The following GRM7 variants were observed in gnomAD, a reference collection of about 807,000 sequenced individuals.
The protein encoded by GRM7 is metabotropic glutamate receptor 7.
A neutral mutation model predicts 84.5 loss-of-function variants in GRM7; 35 were observed. The observed-to-expected ratio is 0.41, with a 90% CI of 0.32 to 0.55. The LOEUF (loss-of-function observed/expected upper bound fraction) is 0.55, where lower values mean the gene tolerates loss of function less well. Among genes scored for constraint, GRM7 ranks in the 20% least tolerant of loss-of-function variants. The pLI, the probability that GRM7 is intolerant of heterozygous loss-of-function variation, is 0.19. For synonymous variants in GRM7, 487 were observed against 455.1 expected, an observed-to-expected ratio of 1.07 and a Z score of -0.89; for missense variants, 1,003 against 1,194.6, an observed-to-expected ratio of 0.84 and a Z score of 2.36.
At chr3:7,411,515 A>C in intron 4 of GRM7, among the ~76,000 whole-genome samples, 1 of 152,138 alleles carries the variant, frequency 6.6e-6, no homozygotes, top group East Asian at 1.9e-4. Context: ...TTACTGTAAT[A>C]ATTTCAATGT....
intron 7 of GRM7, among the ~76,000 whole-genome samples, chr3:7,482,011 A>G (rs1699148209): frequency 6.6e-6 from 1 of 152,024 alleles, no homozygotes; most frequent in Non-Finnish European, 1.5e-5. Context: ...ACATGGTGAA[A>G]CCCTGTCTCT....
intron 1 of GRM7, among the ~76,000 whole-genome samples, chr3:6,930,530 T>A (rs978726154): frequency 6.6e-6 from 1 of 152,230 alleles, no homozygotes; most frequent in East Asian, 1.9e-4. Flanking sequence ...TTGATTTTTT[T>A]AATCTTAATA....
intron 8 of GRM7, among the ~76,000 whole-genome samples, chr3:7,643,735 G>C (rs180904771): frequency 6.6e-6 from 1 of 152,078 alleles, no homozygotes; most frequent in Non-Finnish European, 1.5e-5. Flanking sequence ...CCAAATAAGA[G>C]GTTATTAATA....
intron 2 of GRM7, among the ~76,000 whole-genome samples, chr3:7,176,095 G>A (rs1464793706): frequency 6.6e-5 from 10 of 151,882 alleles, no homozygotes; most frequent in Non-Finnish European, 1.3e-4. Flanking sequence ...ACCTTAAAGA[G>A]AGCTACGTTT....
intron 1 of GRM7, among the ~76,000 whole-genome samples, chr3:7,040,326 G>A (rs1251135308): frequency 1.3e-5 from 2 of 150,232 alleles, no homozygotes; most frequent in Non-Finnish European, 3.0e-5. Context: ...TTTTGGAGAT[G>A]GAGTCTCGCT....
chr3:7,412,355 T>C (rs1695976790), intron 4 of GRM7, among the ~76,000 whole-genome samples: 1 of 149,374 alleles, frequency 6.7e-6, no homozygotes, highest in African/African-American at 2.4e-5. Flanking sequence ...ATCTGTTAGC[T>C]CCCATTATCC....
chr3:7,584,505 G>T (rs1169610975), intron 8 of GRM7, among the ~76,000 whole-genome samples: 1 of 152,198 alleles, frequency 6.6e-6, no homozygotes, highest in Non-Finnish European at 1.5e-5. Context: ...AAGCCAAATT[G>T]TGAAGGGCTC....
intron 2 of GRM7, among the ~76,000 whole-genome samples, chr3:7,254,342 T>G (rs2124945471): frequency 6.6e-6 from 1 of 152,366 alleles, no homozygotes; most frequent in Middle Eastern, 3.4e-3. Context: ...GCAGCATGTC[T>G]TAGCATATTG....
intron 2 of GRM7, among the ~76,000 whole-genome samples, chr3:7,176,343 G>A (rs918298319): frequency 6.6e-6 from 1 of 150,998 alleles, no homozygotes; most frequent in South Asian, 2.1e-4. Flanking sequence ...CCTGCCAGGA[G>A]GTCGGTGCTG....
chr3:7,585,338 C>T (rs182584592), intron 8 of GRM7, among the ~76,000 whole-genome samples: 56 of 152,214 alleles, frequency 3.7e-4, no homozygotes, highest in Middle Eastern at 3.4e-3. Flanking sequence ...GTTAGCTAGT[C>T]GCTTGGGATG....
At chr3:7,408,959 C>T (rs537780839) in intron 4 of GRM7, among the ~76,000 whole-genome samples, 16 of 152,164 alleles carry the variant, frequency 1.1e-4, no homozygotes, top group Non-Finnish European at 1.6e-4. Context: ...ATTATTAAAA[C>T]GCATTGTTTT....
intron 8 of GRM7, among the ~76,000 whole-genome samples, chr3:7,613,667 T>C (rs755519524): frequency 6.6e-6 from 1 of 152,144 alleles, no homozygotes; most frequent in Non-Finnish European, 1.5e-5. Flanking sequence ...CTGTGGAAGT[T>C]AGATAATCTG....
chr3:7,316,091 C>T (rs1700572719), intron 4 of GRM7, among the ~76,000 whole-genome samples: 1 of 151,020 alleles, frequency 6.6e-6, no homozygotes, highest in East Asian at 2.0e-4. Context: ...GTGTACTGGG[C>T]ATAGAAAACA....
At chr3:7,564,546 G>A (rs753936059) in intron 7 of GRM7, among the ~76,000 whole-genome samples, 6 of 152,114 alleles carry the variant, frequency 3.9e-5, no homozygotes, top group Non-Finnish European at 7.4e-5. Flanking sequence ...ATTAAATACT[G>A]GCAATGTTCA....
chr3:7,005,849 A>C (rs776232907), intron 1 of GRM7, among the ~76,000 whole-genome samples: 34 of 152,262 alleles, frequency 2.2e-4, no homozygotes, highest in Non-Finnish European at 3.5e-4. Flanking sequence ...TATGTTTAGC[A>C]TGGAGAGGTT....
chr3:6,960,825 TTGGATG>T (rs1693269987), intron 1 of GRM7, among the ~76,000 whole-genome samples: 1 of 152,104 alleles, frequency 6.6e-6, no homozygotes, highest in South Asian at 2.1e-4. Context: ...GGCCTGGGGG[TTGGATG>T]TCATTCTCTT....
At chr3:7,190,160 C>T (rs1695662530) in intron 2 of GRM7, among the ~76,000 whole-genome samples, 1 of 152,150 alleles carries the variant, frequency 6.6e-6, no homozygotes, top group South Asian at 2.1e-4. Context: ...AGTCAAGTAA[C>T]ACATCCATTG....
At position 7,052,511 on chromosome 3, in the gene GRM7, C is replaced by G. The variant is rs151094227; in HGVS notation, c.520-93941C>G. Reference sequence around the variant, plus strand: ...AGATAGAGAACTCTTCCATTGTCCTCCAATTTTATTTGTTTTGTACCTCTT... The same window carrying G: ...AGATAGAGAACTCTTCCATTGTCCTGCAATTTTATTTGTTTTGTACCTCTT... On this transcript the variant is annotated intron_variant, in intron 1 of 9. Transcript: ENST00000357716. Among the ~76,000 whole-genome samples the G allele has an allele frequency of 2.7e-3, 402 of 151,666 alleles. 4 individuals are homozygous for G. Among genetic ancestry groups the G allele is most frequent in the Admixed American group, 0.018 (278 of 15,166 alleles).
At chr3:6,937,824 CTTG>C (rs1406030180) in intron 1 of GRM7, among the ~76,000 whole-genome samples, 4 of 152,288 alleles carry the variant, frequency 2.6e-5, no homozygotes, top group Admixed American at 6.5e-5. Context: ...ACGTGGCAAG[CTTG>C]TTGTTGTGGT....
Sources: gnomAD v4.1 joint callset for allele counts (sites outside exome capture counted in the v4.1 genomes callset) on GRCh38, gnomAD v4.1.1 for gene constraint, MANE v1.5 for transcripts, NCBI Gene and HGNC (gene_info 2026-07-23, HGNC 2026-07-21) for gene names.